Variants in FBXL5 observed in about 807,000 individuals in gnomAD.
The protein encoded by FBXL5 is F-box and leucine rich repeat protein 5.
Under a neutral mutation model 78.3 loss-of-function variants are expected in FBXL5, and 26 were observed. The observed-to-expected ratio is 0.33, with a 90% CI of 0.24 to 0.46. The LOEUF (loss-of-function observed/expected upper bound fraction) is 0.46, where lower values mean the gene tolerates loss of function less well. Among genes scored for constraint, FBXL5 ranks in the 20% least tolerant of loss-of-function variants. FBXL5 has a pLI of 1.00. For synonymous variants in FBXL5, 295 were observed against 282.5 expected, an observed-to-expected ratio of 1.04 and a Z score of -0.45; for missense variants, 710 against 829.2, an observed-to-expected ratio of 0.86 and a Z score of 1.77.
At chr4:15,650,657 CTTT>C (rs1553853718) in intron 1 of FBXL5, among the ~76,000 whole-genome samples, 1 of 132,636 alleles carries the variant, frequency 7.5e-6, no homozygotes, top group Non-Finnish European at 1.5e-5. Context: ...TTATAACTGA[CTTT>C]CTTTTTTTTT....
chr4:15,640,005 C>T lies in FBXL5; in HGVS notation c.396+783G>A, dbSNP rs534965114. Among the ~76,000 whole-genome samples the T allele has an allele frequency of 1.2e-4, 18 of 152,072 alleles. No individual in the cohort carries two copies. The South Asian group carries it at 2.5e-3, about 21-fold the overall frequency. On this transcript the variant is annotated intron_variant, in intron 3 of 10. Coordinates refer to ENST00000341285, the MANE Select transcript of FBXL5 (RefSeq NM_012161.4). ...GTTTTGCCCATTCATTCAATGATAC[C>T]CTAATACATGTACAGTAGGCTTAAG...
At chr4:15,622,770 A>G (rs1474515609) in intron 9 of FBXL5, among the ~76,000 whole-genome samples, 1 of 152,234 alleles carries the variant, frequency 6.6e-6, no homozygotes, top group Non-Finnish European at 1.5e-5. Flanking sequence ...AATTAAAATG[A>G]GGGAATCTGC....
At chr4:15,652,534 G>C (rs1716221872) in intron 1 of FBXL5, among the ~76,000 whole-genome samples, 1 of 152,082 alleles carries the variant, frequency 6.6e-6, no homozygotes, top group African/African-American at 2.4e-5. Context: ...GTATTAAATC[G>C]GGTATTGTAC....
rs775319384 is a variant in FBXL5, at chr4:15,625,902, G to A, written c.1200C>T (p.Ala400=). The A allele has an allele frequency of 3.1e-6, 5 of 1,613,786 alleles. No individual in the cohort carries two copies. In the Admixed American group the frequency reaches 8.3e-5, roughly 27 times the overall value. ...CAAGAGCTCTGGAAATCTTCTCTAG[G>A]GCCACATCTGTGATTTTCTCACAAC... is the stretch of plus-strand genomic sequence containing the variant. ...LSGCEKITDV[A]LEKISRALGI... The change falls in exon 9 of 11, where the codon GCC becomes GCT. Residue 400 remains alanine (A), a synonymous_variant. Transcript: ENST00000341285.
chr4:15,631,227 T>A (rs1713618646), intron 5 of FBXL5, among the ~76,000 whole-genome samples: 1 of 152,236 alleles, frequency 6.6e-6, no homozygotes, highest in African/African-American at 2.4e-5. Flanking sequence ...TTCATCCATG[T>A]CCCTGCAAAG....
intron 1 of FBXL5, among the ~76,000 whole-genome samples, chr4:15,650,217 T>C (rs911739575): frequency 6.6e-6 from 1 of 152,296 alleles, no homozygotes; most frequent in Admixed American, 6.5e-5. Context: ...AAAGAAATCA[T>C]CTGCCTCAAA....
chr4:15,605,913 T>C (rs552344657), intron 10 of FBXL5, 114 bp from the exon 11 acceptor site: 21 of 733,066 alleles, frequency 2.9e-5, no homozygotes, highest in African/African-American at 2.4e-4. Context: ...ACTTATATGA[T>C]AGAAGTAAAT....
At chr4:15,679,562 CAAAAAAAAAAAAA>C (rs1202369624) in intron 1 of FBXL5, among the ~76,000 whole-genome samples, 3 of 94,406 alleles carry the variant, frequency 3.2e-5, no homozygotes, top group Non-Finnish European at 6.9e-5. Flanking sequence ...AGTTCAGGAA[CAAAAAAAAAAAAA>C]AACAAAAAAA....
chr4:15,672,284 C>T (rs1288131841), intron 1 of FBXL5, among the ~76,000 whole-genome samples: 1 of 152,194 alleles, frequency 6.6e-6, no homozygotes. Flanking sequence ...GTGGAAACAG[C>T]CAATATTCCC....
At chr4:15,630,507 T>G (rs1410269305) in intron 6 of FBXL5, among the ~76,000 whole-genome samples, 159 bp downstream of exon 6, 1 of 152,164 alleles carries the variant, frequency 6.6e-6, no homozygotes, top group East Asian at 1.9e-4. Context: ...AATTTAAAAT[T>G]TCATTATTAT....
chr4:15,625,261 TG>T lies in FBXL5; in HGVS notation c.1840del (p.His614MetfsTer6). On this transcript the variant is annotated frameshift_variant, in exon 9 of 11. Coordinates refer to ENST00000341285, the MANE Select transcript of FBXL5 (RefSeq NM_012161.4). LOFTEE classifies it high-confidence loss of function. ...SLSGCYQITD[H>X]GLRVLTLGGG... Reference sequence around the variant, plus strand: ...GGAACTGATAACTCACCTGAGACCATGGTCTGTGATCTGATAACATCCAGAT... The same window carrying T: ...GGAACTGATAACTCACCTGAGACCATGTCTGTGATCTGATAACATCCAGAT... 1.9e-6 allele frequency: 3 copies of T among 1,607,270 alleles called. No homozygotes were observed. Among genetic ancestry groups the T allele is most frequent in the Non-Finnish European group, 2.6e-6 (3 of 1,176,472 alleles).
Position 15,669,839 on chromosome 4 carries a change from T to C in FBXL5, c.-283-9917A>G, listed in dbSNP as rs373154240. On this transcript the variant is annotated intron_variant, in intron 1 of 4. Transcript: ENST00000507899. ...TATTTTACTGATATTTTCAGCATTT[T>C]TTATGAACTATATTTATAATTACAG... Among the ~76,000 whole-genome samples the C allele has an allele frequency of 9.8e-5, 15 of 152,332 alleles. No homozygotes were observed. The East Asian group carries it at 2.5e-3, about 25-fold the overall frequency.
upstream of FBXL5, among the ~76,000 whole-genome samples, chr4:15,664,579 C>T (rs562325670): frequency 8.3e-5 from 7 of 84,462 alleles, no homozygotes; most frequent in Admixed American, 5.5e-4. Context: ...TTTTTTGAGA[C>T]GGAGTTTCAC....
chr4:15,668,237 C>T (rs1452847195), intron 1 of FBXL5, among the ~76,000 whole-genome samples: 2 of 150,646 alleles, frequency 1.3e-5, no homozygotes, highest in African/African-American at 4.9e-5. Flanking sequence ...TGTCAAAACA[C>T]ATTATCTAGT....
chr4:15,612,722 C>A (rs1177683175), intron 9 of FBXL5, among the ~76,000 whole-genome samples: 3 of 151,998 alleles, frequency 2.0e-5, no homozygotes, highest in Non-Finnish European at 4.4e-5. Context: ...CATTCTCCTA[C>A]CCAACTGTAT....
intron 1 of FBXL5, among the ~76,000 whole-genome samples, chr4:15,646,461 G>GA (rs756613157): frequency 1.8e-3 from 243 of 132,976 alleles, no homozygotes; most frequent in East Asian, 4.3e-3. Context: ...TCATTTTTTG[G>GA]AAAAAAAAAA....
chr4:15,656,906 TAGTA>T (rs1717004179), upstream of FBXL5, among the ~76,000 whole-genome samples: 1 of 150,712 alleles, frequency 6.6e-6, no homozygotes, highest in Admixed American at 6.6e-5. Flanking sequence ...TCCCACAAAT[TAGTA>T]AGTCAAAAAT....
Position 15,620,315 on chromosome 4 carries a change from T to C in FBXL5, c.1850+4937A>G, listed in dbSNP as rs1026920206. 2.4e-4 allele frequency among the ~76,000 whole-genome samples: 36 copies of C among 152,130 alleles called. 1 individual carries two copies. Among genetic ancestry groups the C allele is most frequent in the Non-Finnish European group, 2.8e-4 (19 of 68,024 alleles). On this transcript the variant is annotated intron_variant, in intron 9 of 10. Coordinates refer to ENST00000341285, the MANE Select transcript of FBXL5 (RefSeq NM_012161.4). The stretch of plus-strand genomic sequence containing the variant: ...TAAACAAATGGAAAGATATCCCACA[T>C]TCATGGGTTAAAAGACTTAATACTG...
At chr4:15,638,417 A>T in intron 4 of FBXL5, 91 bp downstream of exon 4, 1 of 938,368 alleles carries the variant, frequency 1.1e-6, no homozygotes. Flanking sequence ...CCTAACTTGA[A>T]TTATTCCTCA....
Sources: gnomAD v4.1 joint callset for allele counts (sites outside exome capture counted in the v4.1 genomes callset) on GRCh38, gnomAD v4.1.1 for gene constraint, MANE v1.5 for transcripts, NCBI Gene and HGNC (gene_info 2026-07-23, HGNC 2026-07-21) for gene names.